Variants in TTBK2 observed in about 807,000 individuals in gnomAD.
TTBK2 encodes the protein tau-tubulin kinase 2.
In TTBK2, 28 loss-of-function variants were observed where a neutral mutation model predicts 110.8. The ratio of observed to expected loss-of-function variants is 0.25; its 90% CI spans 0.19 to 0.35. The LOEUF (loss-of-function observed/expected upper bound fraction) is 0.35. Ranked by LOEUF, TTBK2 falls within the 10% of genes least tolerant of loss-of-function variation. The pLI, the probability that TTBK2 is intolerant of heterozygous loss-of-function variation, is 1.00. For synonymous variants in TTBK2, 532 were observed against 527.3 expected, an observed-to-expected ratio of 1.01 and a Z score of -0.12; for missense variants, 1,369 against 1,500.3, an observed-to-expected ratio of 0.91 and a Z score of 1.45.
chr15:42,795,085 G>T (rs1890875252), intron 9 of TTBK2, among the ~76,000 whole-genome samples: 1 of 152,168 alleles, frequency 6.6e-6, no homozygotes, highest in South Asian at 2.1e-4. Context: ...GATGTGTGTT[G>T]TGTGTAAGTG....
At position 42,745,808 on chromosome 15, in the gene TTBK2, T is replaced by G. The variant is rs36104367; in HGVS notation, c.3722A>C (p.Lys1241Thr). Residue 1241 changes from lysine to threonine, a missense_variant, in exon 15 of 15, where the codon AAA becomes ACA. Transcript: ENST00000267890. ...GCAGCCTGGCTCCTATCTGCTGAGT[T>G]TACTGGCTGGCTTACTCTTCCCTTG... The part of the protein sequence containing the change: ...TPQGKSKPAS[K>T]LSR The G allele has an allele frequency of 2.7e-4, 441 of 1,614,018 alleles. No individual in the cohort carries two copies. The highest frequency in any genetic ancestry group is 3.6e-4 in the Non-Finnish European group (420 of 1,180,046).
At chr15:42,904,418 T>C (rs1276474095) in intron 1 of TTBK2, among the ~76,000 whole-genome samples, 2 of 151,882 alleles carry the variant, frequency 1.3e-5, no homozygotes, top group Non-Finnish European at 2.9e-5. Flanking sequence ...AGATTTACAA[T>C]AAAAAAAATC....
At chr15:42,810,555 G>A (rs1429138616) in intron 9 of TTBK2, 59 bp downstream of exon 9, 2 of 1,605,578 alleles carry the variant, frequency 1.2e-6, no homozygotes, top group East Asian at 4.5e-5. Flanking sequence ...GCTACAATGA[G>A]TGAAAGCATA....
chr15:42,841,977 G>T, intron 3 of TTBK2, among the ~76,000 whole-genome samples: 1 of 152,246 alleles, frequency 6.6e-6, no homozygotes, highest in Middle Eastern at 3.4e-3. Flanking sequence ...TTAGTTCATG[G>T]ACAATACGTG....
intron 4 of TTBK2, among the ~76,000 whole-genome samples, chr15:42,832,627 T>A (rs1892806895): frequency 6.6e-6 from 1 of 152,206 alleles, no homozygotes; most frequent in African/African-American, 2.4e-5. Flanking sequence ...CAGTCAACCG[T>A]GGTCCGAATA....
chr15:42,860,790 C>T (rs1318729359), intron 3 of TTBK2, among the ~76,000 whole-genome samples: 2 of 151,740 alleles, frequency 1.3e-5, no homozygotes, highest in African/African-American at 4.8e-5. Context: ...CTCAGCCTCC[C>T]AAGTGCACCA....
chr15:42,889,257 CTT>C (rs1288893935), intron 1 of TTBK2, among the ~76,000 whole-genome samples: 1 of 152,172 alleles, frequency 6.6e-6, no homozygotes. Context: ...ACTCACATGT[CTT>C]GAGTCAGGAA....
chr15:42,899,117 T>C (rs115223910), intron 1 of TTBK2, among the ~76,000 whole-genome samples: 1 of 152,056 alleles, frequency 6.6e-6, no homozygotes, highest in Non-Finnish European at 1.5e-5. Flanking sequence ...CTCAGCCTCC[T>C]GAGAAGCTGC....
At chr15:42,856,375 C>T (rs530618843) in intron 3 of TTBK2, among the ~76,000 whole-genome samples, 1 of 148,604 alleles carries the variant, frequency 6.7e-6, no homozygotes, top group African/African-American at 2.5e-5. Context: ...ATTCCTTCAA[C>T]AAAAAAAATG....
At chr15:42,894,148 T>G (rs1179121308) in intron 1 of TTBK2, among the ~76,000 whole-genome samples, 2 of 152,228 alleles carry the variant, frequency 1.3e-5, no homozygotes, top group Admixed American at 1.3e-4. Context: ...GCACACGCTC[T>G]CTTGCCTGCT....
At chr15:42,878,504 C>CAG in intron 2 of TTBK2, 45 bp downstream of exon 2, 1 of 1,599,478 alleles carries the variant, frequency 6.3e-7, no homozygotes, top group East Asian at 2.2e-5. Flanking sequence ...CACACACACA[C>CAG]ACACACACAC....
At position 42,751,828 on chromosome 15, in the gene TTBK2, T is replaced by G. The variant is rs2061869411; in HGVS notation, c.3272+146A>C. On this transcript the variant is annotated intron_variant, in intron 14 of 14. Coordinates refer to ENST00000267890, the MANE Select transcript of TTBK2 (RefSeq NM_173500.4). The stretch of plus-strand genomic sequence containing the variant: ...TTGGAAAAAATCTGATTACTTCTAC[T>G]GCACTAGGCTGTAAGGCCTGGGAAA... 6.5e-6 allele frequency: 6 copies of G among 916,708 alleles called. No individual in the cohort carries two copies. The Admixed American group carries it at 1.1e-4, about 16-fold the overall frequency. 56.8% of individuals were successfully genotyped at this position (916,708 alleles called of 1,614,324 possible). A position where few individuals can be genotyped will look rare whatever the true frequency, so the allele number is the denominator to read the frequency against.
At chr15:42,815,568 A>G (rs1891903553) in intron 7 of TTBK2, among the ~76,000 whole-genome samples, 1 of 152,010 alleles carries the variant, frequency 6.6e-6, no homozygotes, top group Non-Finnish European at 1.5e-5. Context: ...GATGAAGGGG[A>G]AAAAGTCAGC....
Position 42,840,397 on chromosome 15 carries a change from C to T in TTBK2, c.254G>A (p.Arg85Lys), listed in dbSNP as rs765922899. ...GACCACATAGTTGAATCGATCATTC[C>T]TCCCACAGCCAATAAATCTACAAAC... ...DHVCRFIGCG[R>K]NDRFNYVVMQ... Residue 85 changes from arginine to lysine, a missense_variant, in exon 4 of 15, where the codon AGG becomes AAG. Arg to Lys is a conservative substitution (Grantham distance 26). Around this residue, in one of 4 missense-constraint regions of TTBK2, gnomAD observed 122 missense variants for 159.7 expected, o/e 0.76. Transcript: ENST00000267890. 1.2e-6 allele frequency: 2 copies of T among 1,613,920 alleles called. 1 individual carries two copies. The highest frequency in any genetic ancestry group is 2.2e-5 in the South Asian group (2 of 91,076).
chr15:42,829,071 G>A (rs983722402), intron 5 of TTBK2, among the ~76,000 whole-genome samples: 5 of 152,074 alleles, frequency 3.3e-5, no homozygotes, highest in Non-Finnish European at 5.9e-5. Context: ...ACTCTACTAC[G>A]TTAAATTTAG....
At chr15:42,902,674 G>A (rs953331629) in intron 1 of TTBK2, among the ~76,000 whole-genome samples, 1 of 151,944 alleles carries the variant, frequency 6.6e-6, no homozygotes, top group Non-Finnish European at 1.5e-5. Context: ...CAGTTACTGT[G>A]AAAAACAGTG....
At chr15:42,833,758 C>A (rs1035018094) in intron 4 of TTBK2, among the ~76,000 whole-genome samples, 2 of 152,016 alleles carry the variant, frequency 1.3e-5, no homozygotes, top group African/African-American at 4.8e-5. Context: ...ATCTGCAATC[C>A]CAGCACTTTA....
chr15:42,887,505 T>C (rs1049162023), intron 1 of TTBK2, among the ~76,000 whole-genome samples: 4 of 152,200 alleles, frequency 2.6e-5, no homozygotes, highest in African/African-American at 9.6e-5. Flanking sequence ...AAGCCTGTTA[T>C]CACTTGCCTG....
chr15:42,909,798 T>C (rs569388720), intron 1 of TTBK2, among the ~76,000 whole-genome samples: 1 of 152,242 alleles, frequency 6.6e-6, no homozygotes, highest in South Asian at 2.1e-4. Flanking sequence ...CAAACATAGA[T>C]AGTAAGTCTA....
Sources: allele counts gnomAD v4.1 joint callset (sites outside exome capture counted in the v4.1 genomes callset), GRCh38; gene constraint gnomAD v4.1.1; regional missense constraint gnomAD v4.1.1; transcripts MANE v1.5; gene names NCBI Gene and HGNC (gene_info 2026-07-23, HGNC 2026-07-21).